The following CAPN15 variants were observed in gnomAD, a reference collection of about 807,000 sequenced individuals.
CAPN15 encodes the protein calpain 15, also known as calpain-15.
In CAPN15, 53 loss-of-function variants were observed where a neutral mutation model predicts 97.9. That is an observed-to-expected ratio of 0.54 (90% CI 0.43 to 0.68). CAPN15 has a LOEUF of 0.68. Ranked by LOEUF, CAPN15 falls within the 30% of genes least tolerant of loss-of-function variation. CAPN15 has a pLI of 0.00. For synonymous variants in CAPN15, 922 were observed against 722.5 expected, an observed-to-expected ratio of 1.28 and a Z score of -4.43; for missense variants, 1,592 against 1,589.8, an observed-to-expected ratio of 1.00 and a Z score of -0.02.
chr16:547,713 G>C lies in CAPN15; in HGVS notation c.875G>C (p.Gly292Ala). 6.2e-7 allele frequency: 1 copy of C among 1,600,116 alleles called. No individual in the cohort carries two copies. Among genetic ancestry groups the C allele is most frequent in the African/African-American group, 1.3e-5 (1 of 74,856 alleles). Residue 292 changes from glycine (G) to alanine (A), a missense_variant, in exon 4 of 14, where the codon GGC (glycine) becomes GCC (alanine). This residue lies in a region of CAPN15 where 883 missense variants were observed against 776.6 expected (regional missense o/e 1.14). Transcript: ENST00000219611. The part of the protein sequence containing the change: ...GASRLAELLS[G>A]KRLSVLEEEA... Reference sequence around the variant, plus strand: ...TCCCGCCTAGCAGAGTTGCTGTCTGGCAAGCGGCTGAGTGTGCTGGAGGAA... The same window carrying C: ...TCCCGCCTAGCAGAGTTGCTGTCTGCCAAGCGGCTGAGTGTGCTGGAGGAA...
chr16:551,434 C>G lies in CAPN15; in HGVS notation c.2192+7C>G. 1 of 1,603,934 alleles carries G rather than the reference C, an allele frequency of 6.2e-7. No homozygotes were observed. The highest frequency in any genetic ancestry group is 8.5e-7 in the Non-Finnish European group (1 of 1,173,242). On this transcript the variant is annotated splice_region_variant and intron_variant, in intron 8 of 13. Coordinates refer to ENST00000219611, the MANE Select transcript of CAPN15 (RefSeq NM_005632.3). ...GAGATGTCCAGGGCACCAGGTAGGG[C>G]CGGCCTGGCTGAGGGTGGGTGGGGT...
At chr16:553,205 G>A (rs572057548) in intron 13 of CAPN15, 134 bp from the exon 14 acceptor site, 2 of 429,020 alleles carry the variant, frequency 4.7e-6, no homozygotes, top group South Asian at 4.2e-5. Context: ...GCAGAGGTGT[G>A]CTCATACCCC....
chr16:549,792 G>C lies in CAPN15; in HGVS notation c.2020G>C (p.Asp674His), dbSNP rs1156359727. 6.3e-7 allele frequency: 1 copy of C among 1,592,014 alleles called. No homozygotes were observed. The highest frequency in any genetic ancestry group is 8.6e-7 in the Non-Finnish European group (1 of 1,169,212). The part of the protein sequence containing the change: ...SSTNPREEPV[D>H]TDLIWAKMLS... ...CACTAACCCCCGCGAGGAGCCCGTT[G>C]ACACTGACCTCATCTGGGCCAAAAT... Residue 674 changes from aspartate (D) to histidine (H), a missense_variant, in exon 7 of 14, where the codon GAC becomes CAC. Around this residue, in one of 3 missense-constraint regions of CAPN15, gnomAD observed 644 missense variants for 699.6 expected, o/e 0.92. Coordinates refer to ENST00000219611, the MANE Select transcript of CAPN15 (RefSeq NM_005632.3).
rs987460863 is a variant in CAPN15, at chr16:553,468, C to T, written c.3213C>T (p.Pro1071=). The part of the protein sequence containing the change: ...DWTASKGTHS[P]PLTPEVAGLH... Reference sequence around the variant, plus strand: ...CAGCCTCCAAGGGGACCCACAGCCCCCCACTCACGCCAGAGGTCGCCGGTC... The same window carrying T: ...CAGCCTCCAAGGGGACCCACAGCCCTCCACTCACGCCAGAGGTCGCCGGTC... Residue 1071 remains proline, a synonymous_variant, in exon 14 of 14, where the codon CCC becomes CCT. Transcript: ENST00000219611. The T allele has an allele frequency of 6.2e-6, 10 of 1,611,402 alleles. No homozygotes were observed. In the South Asian group the frequency reaches 9.9e-5, roughly 16 times the overall value.
chr16:547,965 A>G lies in CAPN15; in HGVS notation c.1127A>G (p.Glu376Gly). The G allele has an allele frequency of 6.3e-7, 1 of 1,587,012 alleles. No individual in the cohort carries two copies. Among genetic ancestry groups the G allele is most frequent in the African/African-American group, 1.3e-5 (1 of 74,196 alleles). Reference sequence around the variant, plus strand: ...CTGCACGGCTTCCAGGAGCATGGCGAGCCCCCCACCCACTGCCCCGACTGT... The same window carrying G: ...CTGCACGGCTTCCAGGAGCATGGCGGGCCCCCCACCCACTGCCCCGACTGT... ...SKLHGFQEHG[E>G]PPTHCPDCGA... is the part of the protein sequence containing the mutation. The change falls in exon 4 of 14, where the codon GAG becomes GGG. Residue 376 changes from glutamate to glycine, a missense_variant. Glu to Gly is a moderately conservative substitution (Grantham distance 98). This residue lies in a region of CAPN15 where 883 missense variants were observed against 776.6 expected (regional missense o/e 1.14). Coordinates refer to ENST00000219611, the MANE Select transcript of CAPN15 (RefSeq NM_005632.3).
intron 3 of CAPN15, among the ~76,000 whole-genome samples, chr16:544,348 G>A (rs1285354804): frequency 1.3e-5 from 2 of 152,072 alleles, no homozygotes; most frequent in East Asian, 1.9e-4. Flanking sequence ...TGTGTTTCTC[G>A]GTGTGGCCTC....
chr16:540,128 C>T (rs1042453718), intron 3 of CAPN15: 5 of 985,348 alleles, frequency 5.1e-6, no homozygotes, highest in East Asian at 2.3e-4. Flanking sequence ...TGCTCCGCTT[C>T]GCCCGCTGCT....
Position 547,492 on chromosome 16 carries a change from G to A in CAPN15, c.654G>A (p.Gln218=). The change falls in exon 4 of 14, where the codon CAG becomes CAA. Residue 218 remains glutamine (Q), a synonymous_variant. Coordinates refer to ENST00000219611, the MANE Select transcript of CAPN15 (RefSeq NM_005632.3). Reference sequence around the variant, plus strand: ...AGGCCAACCCCCCAGCCACCAGCCAGGGCCCAGCTGCCGAACCAGAGCCGC... The same window carrying A: ...AGGCCAACCCCCCAGCCACCAGCCAAGGCCCAGCTGCCGAACCAGAGCCGC... ...GAEANPPATS[Q]GPAAEPEPPR... The A allele has an allele frequency of 6.3e-6, 10 of 1,597,610 alleles. No individual in the cohort carries two copies. Among genetic ancestry groups the A allele is most frequent in the Non-Finnish European group, 8.5e-6 (10 of 1,178,888 alleles).
chr16:531,477 A>G (rs1026234233), intron 1 of CAPN15, among the ~76,000 whole-genome samples: 1 of 152,128 alleles, frequency 6.6e-6, no homozygotes, highest in Non-Finnish European at 1.5e-5. Context: ...GAGAAAGGCA[A>G]TAAGTTTTGG....
Position 547,852 on chromosome 16 carries a change from C to A in CAPN15, c.1014C>A (p.Ser338Arg). ...GTTACACGCCCGCCAGCCCCTCCAG[C>A]CCCGACTTCACCACCTGGTCATGTG... Reference protein sequence around the residue: ...TVRYTPASPSSPDFTTWSCAK... With the variant: ...TVRYTPASPSRPDFTTWSCAK... Residue 338 changes from serine (S) to arginine (R), a missense_variant, in exon 4 of 14, where the codon AGC becomes AGA. Around this residue, in one of 3 missense-constraint regions of CAPN15, gnomAD observed 883 missense variants for 776.6 expected, o/e 1.14. Coordinates refer to ENST00000219611, the MANE Select transcript of CAPN15 (RefSeq NM_005632.3). 1 of 1,611,518 alleles carries A rather than the reference C, an allele frequency of 6.2e-7. No homozygotes were observed. The highest frequency in any genetic ancestry group is 8.5e-7 in the Non-Finnish European group (1 of 1,179,414).
At chr16:550,154 C>A (rs547289643) in intron 7 of CAPN15, among the ~76,000 whole-genome samples, 1 of 152,110 alleles carries the variant, frequency 6.6e-6, no homozygotes, top group Non-Finnish European at 1.5e-5. Flanking sequence ...TGCCGTCATC[C>A]GCCTCGGGGC....
chr16:549,780 G>A lies in CAPN15; in HGVS notation c.2008G>A (p.Glu670Lys). ...GCAGCTCAGCTCCACTAACCCCCGC[G>A]AGGAGCCCGTTGACACTGACCTCAT... ...ALQLSSTNPR[E>K]EPVDTDLIWA... The change falls in exon 7 of 14, where the codon GAG (glutamate) becomes AAG (lysine). Residue 670 changes from glutamate (E) to lysine (K), a missense_variant. Transcript: ENST00000219611. 1.9e-6 allele frequency: 3 copies of A among 1,592,812 alleles called. No homozygotes were observed. Among genetic ancestry groups the A allele is most frequent in the Non-Finnish European group, 1.7e-6 (2 of 1,169,782 alleles).
At chr16:540,034 G>A (rs956258335) in intron 3 of CAPN15, 36 of 971,996 alleles carry the variant, frequency 3.7e-5, no homozygotes, top group Non-Finnish European at 3.9e-5. Context: ...GAATCATGCT[G>A]TTTCTTCTCT....
chr16:551,752 G>A, intron 9 of CAPN15, 88 bp downstream of exon 9: 3 of 1,525,930 alleles, frequency 2.0e-6, no homozygotes, highest in Admixed American at 1.8e-5. Context: ...CCCTCCTGCT[G>A]ACCTGGGGTG....
intron 3 of CAPN15, among the ~76,000 whole-genome samples, chr16:543,760 C>A (rs1357940177): frequency 6.6e-6 from 1 of 152,226 alleles, no homozygotes; most frequent in African/African-American, 2.4e-5. Flanking sequence ...CAGGCGACCC[C>A]TGCCGTGCTC....
chr16:530,963 C>G (rs1014383855), intron 1 of CAPN15, among the ~76,000 whole-genome samples: 5 of 152,262 alleles, frequency 3.3e-5, no homozygotes, highest in African/African-American at 7.2e-5. Context: ...CCTCCAGATA[C>G]AACGATTTGT....
chr16:528,634 G>C (rs1266915881), intron 1 of CAPN15: 2 of 743,210 alleles, frequency 2.7e-6, no homozygotes, highest in Non-Finnish European at 3.3e-6. Flanking sequence ...AGTCCTGACC[G>C]GGGGAACTCT....
At chr16:550,503 G>A (rs1476067923) in intron 7 of CAPN15, among the ~76,000 whole-genome samples, 2 of 152,374 alleles carry the variant, frequency 1.3e-5, no homozygotes, top group East Asian at 1.9e-4. Context: ...GCGCCTGCCT[G>A]TCTTGGTGGC....
At chr16:529,014 GC>G (rs1197667322) in intron 1 of CAPN15, among the ~76,000 whole-genome samples, 3 of 152,198 alleles carry the variant, frequency 2.0e-5, no homozygotes, top group African/African-American at 7.2e-5. Flanking sequence ...GTGAAGTGGG[GC>G]AAGAGAAATT....
Sources: allele counts gnomAD v4.1 joint callset (sites outside exome capture counted in the v4.1 genomes callset), GRCh38; gene constraint gnomAD v4.1.1; regional missense constraint gnomAD v4.1.1; transcripts MANE v1.5; gene names NCBI Gene and HGNC (gene_info 2026-07-23, HGNC 2026-07-21).